Variants in DERA observed in about 807,000 individuals in gnomAD.
DERA encodes the protein 2-deoxy-D-ribose 5-phosphate aldolase.
A neutral mutation model predicts 41.1 loss-of-function variants in DERA; 15 were observed. The observed-to-expected ratio is 0.37, with a 90% CI of 0.24 to 0.56. The LOEUF (loss-of-function observed/expected upper bound fraction) is 0.56. Ranked by LOEUF, DERA falls within the 20% of genes least tolerant of loss-of-function variation. DERA has a pLI of 0.81. For missense variants in DERA, 396 were observed against 403.4 expected, an observed-to-expected ratio of 0.98 and a Z score of 0.16; for synonymous variants, 139 against 137.4, an observed-to-expected ratio of 1.01 and a Z score of -0.08.
chr12:15,945,246 G>T (rs1352529007), intron 1 of DERA, among the ~76,000 whole-genome samples: 2 of 152,160 alleles, frequency 1.3e-5, no homozygotes, highest in Admixed American at 1.3e-4. Flanking sequence ...CTTTCAAGTA[G>T]TTTTTTCCAA....
At position 15,958,213 on chromosome 12, in the gene DERA, C is replaced by T. The variant is rs1467726885; in HGVS notation, c.155C>T (p.Thr52Ile). The part of the protein sequence containing the change: ...WQAAWLLKAV[T>I]FIDLTTLSGD... ...GCTGCTTGGCTCCTGAAAGCTGTTA[C>T]CTTTATAGATCTTACTACACTTTCA... Residue 52 changes from threonine (T) to isoleucine (I), a missense_variant, in exon 3 of 9, where the codon ACC becomes ATC. By Grantham distance (89) the Thr-to-Ile change is moderately conservative. Transcript: ENST00000428559. The T allele has an allele frequency of 1.3e-6, 2 of 1,580,028 alleles. No homozygotes were observed. Among genetic ancestry groups the T allele is most frequent in the Non-Finnish European group, 1.7e-6 (2 of 1,163,064 alleles).
chr12:16,030,935 C>A (rs1245648895), intron 6 of DERA, among the ~76,000 whole-genome samples: 4 of 152,202 alleles, frequency 2.6e-5, no homozygotes, highest in African/African-American at 9.7e-5. Flanking sequence ...ATGAAGGCTT[C>A]CAGTGACCTG....
At chr12:16,022,983 C>G (rs966059264) in intron 6 of DERA, among the ~76,000 whole-genome samples, 1 of 152,046 alleles carries the variant, frequency 6.6e-6, no homozygotes, top group Admixed American at 6.5e-5. Flanking sequence ...AAAGCCTACT[C>G]TAGGACAAAA....
chr12:15,951,362 G>A (rs188312028), intron 1 of DERA: 1 of 152,220 alleles, frequency 6.6e-6, no homozygotes, highest in Non-Finnish European at 1.5e-5. Context: ...CATCATTTCT[G>A]CCTGACATTG....
rs1435121830 is a variant in DERA, at chr12:15,915,600, T to G, written c.31+4186T>G. 3.3e-5 allele frequency among the ~76,000 whole-genome samples: 5 copies of G among 152,180 alleles called. No homozygotes were observed. The highest frequency in any genetic ancestry group is 1.2e-4 in the African/African-American group (5 of 41,434). ...ATGAGCCACCGTGCATGGCCTAGAA[T>G]GGCATCTTAAACCTCAACAATAGGC... On this transcript the variant is annotated intron_variant, in intron 1 of 8. Transcript: ENST00000428559. The surrounding 1 kb of genome is among the most constrained non-coding windows in gnomAD (Gnocchi z 4.8).
rs1251688338 is a variant in DERA, at chr12:15,941,912, T to C, written c.32-15024T>C. ...CTAATAGTGGGATTGCTGGATTGAA[T>C]GGTAAGTTCTTTAAGGAATCCCCGT... is the stretch of plus-strand genomic sequence containing the variant. On this transcript the variant is annotated intron_variant, in intron 1 of 8. Coordinates refer to ENST00000428559, the MANE Select transcript of DERA (RefSeq NM_015954.4). The surrounding 1 kb of genome is among the most constrained non-coding windows in gnomAD (Gnocchi z 4.5). Among the ~76,000 whole-genome samples the C allele has an allele frequency of 6.6e-6, 1 of 152,236 alleles. No homozygotes were observed. The highest frequency in any genetic ancestry group is 2.4e-5 in the African/African-American group (1 of 41,462).
intron 1 of DERA, among the ~76,000 whole-genome samples, chr12:15,946,056 C>G (rs933519844): frequency 6.6e-6 from 1 of 152,142 alleles, no homozygotes; most frequent in African/African-American, 2.4e-5. Context: ...GTTGAACCAG[C>G]CTTGCATCCC....
intron 1 of DERA, among the ~76,000 whole-genome samples, chr12:15,939,343 C>T (rs1434757648): frequency 1.3e-5 from 2 of 152,130 alleles, no homozygotes; most frequent in Non-Finnish European, 2.9e-5. Context: ...GTCAACCTGT[C>T]AGGAGAAATA....
Position 15,994,217 on chromosome 12 carries a change from G to A in DERA, c.637+11781G>A, listed in dbSNP as rs909355677. Reference sequence around the variant, plus strand: ...CAGGTATCACACATATGAGTACAGTGGCATCAATGATATATCTGTAATCAA... The same window carrying A: ...CAGGTATCACACATATGAGTACAGTAGCATCAATGATATATCTGTAATCAA... On this transcript the variant is annotated intron_variant, in intron 6 of 8. Transcript: ENST00000428559. The surrounding 1 kb of genome is among the most constrained non-coding windows in gnomAD (Gnocchi z 4.8). Among the ~76,000 whole-genome samples the A allele has an allele frequency of 6.6e-6, 1 of 152,106 alleles. No homozygotes were observed. Among genetic ancestry groups the A allele is most frequent in the Non-Finnish European group, 1.5e-5 (1 of 68,012 alleles).
chr12:15,977,783 T>C (rs1948707803), intron 5 of DERA, among the ~76,000 whole-genome samples: 2 of 152,306 alleles, frequency 1.3e-5, no homozygotes, highest in South Asian at 4.1e-4. Context: ...ACATGGGAAG[T>C]GTGGAGGTAA....
chr12:15,984,126 C>A lies in DERA; in HGVS notation c.637+1690C>A, dbSNP rs1008427978. Among the ~76,000 whole-genome samples, 2 of 152,172 alleles carry A rather than the reference C, an allele frequency of 1.3e-5. No homozygotes were observed. The highest frequency in any genetic ancestry group is 1.3e-4 in the Admixed American group (2 of 15,286). On this transcript the variant is annotated intron_variant, in intron 6 of 8. Transcript: ENST00000428559. This position sits in a 1 kb window ranked among gnomAD's most constrained non-coding sequence, Gnocchi z 4.5. ...ACTTATAGGACATACTTTGTGGTAG[C>A]CACGCTGTTGGTTGTGCACATGGAG... is the stretch of plus-strand genomic sequence containing the variant.
At position 16,011,593 on chromosome 12, in the gene DERA, G is replaced by A. The variant is rs1948947449; in HGVS notation, c.638-20949G>A. 6.6e-6 allele frequency among the ~76,000 whole-genome samples: 1 copy of A among 152,136 alleles called. No individual in the cohort carries two copies. The highest frequency in any genetic ancestry group is 2.1e-4 in the South Asian group (1 of 4,832). ...CAGCAAAAGTAAAAGAAAAGAGAATGTGTTAGATACGATTTTGTCATTTTA... is the reference window on the plus strand; with the variant it reads ...CAGCAAAAGTAAAAGAAAAGAGAATATGTTAGATACGATTTTGTCATTTTA... On this transcript the variant is annotated intron_variant, in intron 6 of 8. Coordinates refer to ENST00000428559, the MANE Select transcript of DERA (RefSeq NM_015954.4). The surrounding 1 kb of genome is among the most constrained non-coding windows in gnomAD (Gnocchi z 4.7).
chr12:15,925,589 A>G (rs1266378036), intron 1 of DERA, among the ~76,000 whole-genome samples: 1 of 152,196 alleles, frequency 6.6e-6, no homozygotes, highest in Non-Finnish European at 1.5e-5. Context: ...GTATACATAG[A>G]TTACCTTTAT....
chr12:15,941,380 T>C lies in DERA; in HGVS notation c.32-15556T>C, dbSNP rs1948407626. ...CTTAGCCGTCTGTAGCCACAATTTT[T>C]TTTTTAATTTCAATAGTTTTTGAGG... On this transcript the variant is annotated intron_variant, in intron 1 of 8. Transcript: ENST00000428559. This position sits in a 1 kb window ranked among gnomAD's most constrained non-coding sequence, Gnocchi z 4.5. Among the ~76,000 whole-genome samples, 1 of 152,202 alleles carries C rather than the reference T, an allele frequency of 6.6e-6. No homozygotes were observed. Among genetic ancestry groups the C allele is most frequent in the Non-Finnish European group, 1.5e-5 (1 of 68,028 alleles).
Position 15,996,025 on chromosome 12 carries a change from T to G in DERA, c.637+13589T>G, listed in dbSNP as rs1948834737. 6.6e-6 allele frequency among the ~76,000 whole-genome samples: 1 copy of G among 152,146 alleles called. No individual in the cohort carries two copies. The highest frequency in any genetic ancestry group is 2.4e-5 in the African/African-American group (1 of 41,430). On this transcript the variant is annotated intron_variant, in intron 6 of 8. Transcript: ENST00000428559. The surrounding 1 kb of genome is among the most constrained non-coding windows in gnomAD (Gnocchi z 4.7). Reference sequence around the variant, plus strand: ...GGTAGGAGACGTTCGAGGCACAGGCTGAGTGAGCCTGATGGAGCTACACTA... The same window carrying G: ...GGTAGGAGACGTTCGAGGCACAGGCGGAGTGAGCCTGATGGAGCTACACTA...
At chr12:16,034,845 G>A (rs1218235860) in intron 7 of DERA, among the ~76,000 whole-genome samples, 2 of 152,098 alleles carry the variant, frequency 1.3e-5, no homozygotes, top group Non-Finnish European at 2.9e-5. Flanking sequence ...TCTGTAAGAA[G>A]CACTGCCTAA....
At chr12:15,942,330 A>G (rs958024069) in intron 1 of DERA, among the ~76,000 whole-genome samples, 1 of 151,930 alleles carries the variant, frequency 6.6e-6, no homozygotes, top group Non-Finnish European at 1.5e-5. Context: ...TAACTTTGCT[A>G]ATTTTTTTTT....
At position 15,954,652 on chromosome 12, in the gene DERA, A is replaced by G. The variant is rs150209229; in HGVS notation, c.32-2284A>G. ...AGAGGCAGAGGAGCAGTGAGGGAGGAGCTGGGGCTTGAGAATGAGGAAGGA... is the reference window on the plus strand; with the variant it reads ...AGAGGCAGAGGAGCAGTGAGGGAGGGGCTGGGGCTTGAGAATGAGGAAGGA... On this transcript the variant is annotated intron_variant, in intron 1 of 8. Transcript: ENST00000428559. This position sits in a 1 kb window ranked among gnomAD's most constrained non-coding sequence, Gnocchi z 4.0. Among the ~76,000 whole-genome samples, 27 of 152,182 alleles carry G rather than the reference A, an allele frequency of 1.8e-4. No homozygotes were observed. In the East Asian group the frequency reaches 5.2e-3, roughly 29 times the overall value.
intron 1 of DERA, among the ~76,000 whole-genome samples, chr12:15,939,459 T>C (rs1948394030): frequency 6.6e-6 from 1 of 152,236 alleles, no homozygotes. Context: ...TTTAGAATTT[T>C]AAAATTAACC....
Sources: gnomAD v4.1 joint callset for allele counts (sites outside exome capture counted in the v4.1 genomes callset) on GRCh38, gnomAD v4.1.1 for gene constraint, Gnocchi (gnomAD v3.1) non-coding constraint, MANE v1.5 for transcripts, NCBI Gene and HGNC (gene_info 2026-07-23, HGNC 2026-07-21) for gene names.